NMNAT2: variants seen among roughly 807,000 people sequenced by gnomAD.
NMNAT2 encodes the protein nicotinamide/nicotinic acid mononucleotide adenylyltransferase 2.
NMNAT2 carries 11 observed loss-of-function variants against 41.6 expected under a neutral mutation model. The ratio of observed to expected loss-of-function variants is 0.26; its 90% confidence interval spans 0.17 to 0.44. NMNAT2 has a LOEUF of 0.44. NMNAT2 is among the 20% of genes least tolerant of loss of function. The probability of loss-of-function intolerance (pLI) is 1.00; values close to 1 mark genes in which losing one functional copy is unlikely to be tolerated. For missense variants in NMNAT2, 288 were observed against 407.7 expected (o/e 0.71, Z 2.53); for synonymous variants, 148 against 151.2 (o/e 0.98, Z 0.16).
intron 1 of NMNAT2, among the ~76,000 whole-genome samples, chr1:183,323,852 C>T (rs553953180): frequency 1.8e-4 from 28 of 152,244 alleles, no homozygotes; most frequent in Admixed American, 2.6e-4. Flanking sequence ...CTCTCTCCTA[C>T]GAGATTTGGC....
intron 4 of NMNAT2, among the ~76,000 whole-genome samples, chr1:183,289,735 G>A (rs1026105865): frequency 6.6e-6 from 1 of 152,180 alleles, no homozygotes; most frequent in Non-Finnish European, 1.5e-5. Flanking sequence ...CCTCCCCTAA[G>A]TGCTTCTCTC....
chr1:183,315,601 G>T (rs978561711), intron 1 of NMNAT2, among the ~76,000 whole-genome samples: 1 of 151,978 alleles, frequency 6.6e-6, no homozygotes, highest in Non-Finnish European at 1.5e-5. Flanking sequence ...GGCCAAGATG[G>T]TAAAACCCCG....
At chr1:183,268,896 T>G (rs1338742270) in intron 8 of NMNAT2, among the ~76,000 whole-genome samples, 4 of 152,072 alleles carry the variant, frequency 2.6e-5, no homozygotes, top group African/African-American at 4.8e-5. Flanking sequence ...ACAAATTTTA[T>G]TTTAAATTAG....
At chr1:183,333,426 T>G (rs1423000279) in intron 1 of NMNAT2, among the ~76,000 whole-genome samples, 1 of 152,152 alleles carries the variant, frequency 6.6e-6, no homozygotes, top group Non-Finnish European at 1.5e-5. Flanking sequence ...GGGAAGATAA[T>G]CCTGATTATT....
At chr1:183,362,490 A>G (rs1232457552) in intron 1 of NMNAT2, among the ~76,000 whole-genome samples, 5 of 152,158 alleles carry the variant, frequency 3.3e-5, no homozygotes, top group Admixed American at 1.3e-4. Flanking sequence ...AGATTTGCCT[A>G]TTCTGGACAT....
chr1:183,281,250 G>A (rs1661260236), intron 7 of NMNAT2, among the ~76,000 whole-genome samples: 1 of 152,092 alleles, frequency 6.6e-6, no homozygotes, highest in South Asian at 2.1e-4. Context: ...GGGCAATTTT[G>A]CAATTGCCAG....
intron 4 of NMNAT2, among the ~76,000 whole-genome samples, chr1:183,288,109 T>C (rs1039647938): frequency 1.3e-5 from 2 of 152,214 alleles, no homozygotes; most frequent in Non-Finnish European, 2.9e-5. Flanking sequence ...AACCCTGCAT[T>C]TCTATTTCCT....
chr1:183,253,050 A>G (rs952763981), intron 10 of NMNAT2, among the ~76,000 whole-genome samples: 2 of 152,062 alleles, frequency 1.3e-5, no homozygotes, highest in Non-Finnish European at 2.9e-5. Flanking sequence ...TATTCAAAGG[A>G]TTAAATGAGT....
At position 183,414,938 on chromosome 1, in the gene NMNAT2, A is replaced by T. The variant is rs536426155; in HGVS notation, c.85+3245T>A. Among the ~76,000 whole-genome samples the T allele has an allele frequency of 1.1e-4, 16 of 151,746 alleles. No homozygotes were observed. The East Asian group carries it at 1.5e-3, about 15-fold the overall frequency. On this transcript the variant is annotated intron_variant, in intron 1 of 10. Transcript: ENST00000287713. ...AAAGTCTTGTTTGTGTCTGTTTTTT[A>T]AAAAAAAATTATTACAAATTTCAGT...
intron 1 of NMNAT2, among the ~76,000 whole-genome samples, chr1:183,315,461 C>T (rs1002016361): frequency 2.1e-4 from 31 of 149,862 alleles, no homozygotes; most frequent in Admixed American, 4.7e-4. Context: ...TGTGTGTGTG[C>T]GCTTGTGTGT....
chr1:183,342,416 C>T (rs1662839473), intron 1 of NMNAT2, among the ~76,000 whole-genome samples: 2 of 152,144 alleles, frequency 1.3e-5, no homozygotes, highest in Admixed American at 1.3e-4. Context: ...TGCTTAGACC[C>T]ATAGTGAGAC....
rs138152145 is a variant in NMNAT2 at position 183,376,212 on chromosome 1, T to C, written c.85+41971A>G. Among the ~76,000 whole-genome samples, 398 of 152,332 alleles carry C rather than the reference T, an allele frequency of 2.6e-3. 3 individuals carry two copies. The highest frequency in any genetic ancestry group is 9.4e-3 in the African/African-American group (390 of 41,572). On this transcript the variant is annotated intron_variant, in intron 1 of 10. Coordinates refer to ENST00000287713, the MANE Select transcript of NMNAT2 (RefSeq NM_015039.4). The stretch of plus-strand genomic sequence containing the variant: ...ATAAATTAATGGTATTAATAATTAA[T>C]ATTCATTATTAATCTCATTAGTTGA...
chr1:183,340,634 C>T (rs191264888), intron 1 of NMNAT2, among the ~76,000 whole-genome samples: 17 of 152,294 alleles, frequency 1.1e-4, no homozygotes, highest in African/African-American at 3.8e-4. Context: ...TCTGGGTTAG[C>T]TTCTTCCGAT....
At chr1:183,407,824 T>G (rs766489688) in intron 1 of NMNAT2, among the ~76,000 whole-genome samples, 2 of 152,236 alleles carry the variant, frequency 1.3e-5, no homozygotes, top group East Asian at 3.8e-4. Flanking sequence ...ATATAAGATA[T>G]TACATTTAAA....
rs545005011 is a variant in NMNAT2, at chr1:183,353,504, T to C, written c.86-59711A>G. ...CACTCCATTGGAGACTTAAAGTCAA[T>C]CATTCTCTGAGGATCATGCAGCAGA... On this transcript the variant is annotated intron_variant, in intron 1 of 10. Transcript: ENST00000287713. Among the ~76,000 whole-genome samples, 6 of 152,274 alleles carry C rather than the reference T, an allele frequency of 3.9e-5. No homozygotes were observed. In the East Asian group the frequency reaches 1.2e-3, roughly 29 times the overall value.
intron 1 of NMNAT2, among the ~76,000 whole-genome samples, chr1:183,316,228 T>G (rs748107955): frequency 4.6e-5 from 7 of 152,232 alleles, no homozygotes; most frequent in Non-Finnish European, 1.0e-4. Context: ...AATCTGGAAT[T>G]CATTTTGGCA....
At chr1:183,271,001 C>T (rs146439282) in intron 8 of NMNAT2, among the ~76,000 whole-genome samples, 176 of 152,240 alleles carry the variant, frequency 1.2e-3, no homozygotes, top group Middle Eastern at 6.8e-3. Context: ...AGTTAGCCCA[C>T]GGCTGGTTGG....
chr1:183,404,682 A>G (rs1648905553), intron 1 of NMNAT2, among the ~76,000 whole-genome samples: 1 of 152,214 alleles, frequency 6.6e-6, no homozygotes, highest in Admixed American at 6.5e-5. Flanking sequence ...GATGTGAGAA[A>G]GATGTGAAAG....
chr1:183,261,428 C>G, intron 8 of NMNAT2, 125 bp from the exon 9 acceptor site: 1 of 812,118 alleles, frequency 1.2e-6, no homozygotes, highest in Non-Finnish European at 2.1e-6. Context: ...AGTCCCAAAC[C>G]GGCCTTCTTC....
Sources: allele counts gnomAD v4.1 joint callset (sites outside exome capture counted in the v4.1 genomes callset), GRCh38; gene constraint gnomAD v4.1.1; transcripts MANE v1.5; gene names NCBI Gene and HGNC (gene_info 2026-07-23, HGNC 2026-07-21).